Variants in WDR25 observed in about 807,000 individuals in gnomAD.
WDR25 encodes the protein WD repeat domain 25, also known as WD repeat-containing protein 25.
WDR25 carries 35 observed loss-of-function variants against 47.7 expected under a neutral mutation model. That is an observed-to-expected ratio of 0.73 (90% CI 0.56 to 0.97). WDR25 has a LOEUF of 0.97. Ranked by LOEUF, WDR25 falls within the 50% of genes least tolerant of loss-of-function variation. The probability of loss-of-function intolerance (pLI) is 0.00; values close to 1 mark genes in which losing one functional copy is unlikely to be tolerated. For synonymous variants in WDR25, 248 were observed against 278.9 expected (o/e 0.89, Z 1.10); for missense variants, 634 against 704.7 (o/e 0.90, Z 1.14).
intron 2 of WDR25, chr14:100,381,991 G>C (rs1401751099): frequency 1.4e-5 from 10 of 693,118 alleles, no homozygotes; most frequent in Middle Eastern, 2.3e-4. Context: ...TATCCCTCTC[G>C]GAGGCCGTGA....
intron 2 of WDR25, among the ~76,000 whole-genome samples, chr14:100,461,272 T>C (rs900619344): frequency 4.6e-5 from 7 of 152,186 alleles, no homozygotes; most frequent in African/African-American, 1.7e-4. Context: ...AAGCTTCTAG[T>C]ACTAAAAAGT....
intron 4 of WDR25, among the ~76,000 whole-genome samples, chr14:100,511,269 A>G (rs1369254673): frequency 6.6e-6 from 1 of 152,092 alleles, no homozygotes; most frequent in Non-Finnish European, 1.5e-5. Context: ...TTTATCCCCA[A>G]GTATTTATAT....
rs199686523 is a variant in WDR25, at chr14:100,525,860, G to A, written c.1102-10G>A. 5.6e-6 allele frequency: 9 copies of A among 1,612,730 alleles called. No homozygotes were observed. The highest frequency in any genetic ancestry group is 4.5e-5 in the East Asian group (2 of 44,882). ...AGGCCTGCCAGCATGACCGGTGTCC[G>A]CTCTTGCAGGTGATGAGAAGCTACA... On this transcript the variant is annotated splice_polypyrimidine_tract_variant and intron_variant, in intron 4 of 6. Coordinates refer to ENST00000402312, the MANE Select transcript of WDR25 (RefSeq NM_001161476.3). This position sits in a 1 kb window ranked among gnomAD's most constrained non-coding sequence, Gnocchi z 4.6.
chr14:100,436,037 G>A (rs1415045685), intron 2 of WDR25, among the ~76,000 whole-genome samples: 1 of 152,170 alleles, frequency 6.6e-6, no homozygotes, highest in African/African-American at 2.4e-5. Flanking sequence ...GGGAAGGATA[G>A]TACCACTGGC....
In WDR25 at chr14:100,525,756, G is replaced by A. The variant is rs972524342; in HGVS notation, c.1102-114G>A. On this transcript the variant is annotated intron_variant, in intron 4 of 6. Coordinates refer to ENST00000402312, the MANE Select transcript of WDR25 (RefSeq NM_001161476.3). The surrounding 1 kb of genome is among the most constrained non-coding windows in gnomAD (Gnocchi z 4.6). Reference sequence around the variant, plus strand: ...GGTGCTGCTCAGCCTGGGTGTGTGTGGCCCAGCATAAACTTCACTAAACCT... The same window carrying A: ...GGTGCTGCTCAGCCTGGGTGTGTGTAGCCCAGCATAAACTTCACTAAACCT... 1.6e-6 allele frequency: 2 copies of A among 1,231,378 alleles called. No individual in the cohort carries two copies. Among genetic ancestry groups the A allele is most frequent in the Non-Finnish European group, 2.2e-6 (2 of 894,614 alleles). 76.3% of individuals were successfully genotyped at this position (1,231,378 alleles called of 1,614,324 possible).
At chr14:100,512,161 T>C (rs546872070) in intron 4 of WDR25, among the ~76,000 whole-genome samples, 1 of 152,316 alleles carries the variant, frequency 6.6e-6, no homozygotes, top group South Asian at 2.1e-4. Context: ...TCTGGAAGAC[T>C]TCGTGTAAAA....
intron 2 of WDR25, among the ~76,000 whole-genome samples, chr14:100,463,210 G>T (rs111588888): frequency 6.7e-6 from 1 of 148,648 alleles, no homozygotes; most frequent in Admixed American, 6.8e-5. Flanking sequence ...CCTCCTCTCC[G>T]TCTTGGTTAA....
At position 100,424,232 on chromosome 14, in the gene WDR25, A is replaced by C. The variant is rs1204355172; in HGVS notation, c.822+42486A>C. On this transcript the variant is annotated intron_variant, in intron 2 of 6. Transcript: ENST00000402312. This position sits in a 1 kb window ranked among gnomAD's most constrained non-coding sequence, Gnocchi z 4.2. ...TTCGATGCCCACACTACTTCCAGGG[A>C]GCTGAGTTTCAGAGCCTGTGGCGTT... Among the ~76,000 whole-genome samples the C allele has an allele frequency of 1.3e-5, 2 of 152,122 alleles. No individual in the cohort carries two copies. Among genetic ancestry groups the C allele is most frequent in the African/African-American group, 4.8e-5 (2 of 41,420 alleles).
At chr14:100,376,862 C>A in intron 1 of WDR25, 1 of 763,848 alleles carries the variant, frequency 1.3e-6, no homozygotes, top group Non-Finnish European at 1.7e-6. Flanking sequence ...TCTTTTACTT[C>A]CTAGCATCTC....
chr14:100,389,808 G>A (rs1897098795), intron 2 of WDR25, among the ~76,000 whole-genome samples: 1 of 152,220 alleles, frequency 6.6e-6, no homozygotes, highest in South Asian at 2.1e-4. Context: ...GCTGTTCCAG[G>A]CCTGCCTTTC....
rs142483776 is a variant in WDR25 at position 100,425,543 on chromosome 14, G to A, written c.823-42478G>A. On this transcript the variant is annotated intron_variant, in intron 2 of 6. Transcript: ENST00000402312. The surrounding 1 kb of genome is among the most constrained non-coding windows in gnomAD (Gnocchi z 4.8). ...CCGGGACAGAACCCGACTTTTGCAC[G>A]TTACAGTAGAGGTCCCTGGCAGCCC... 2.3e-4 allele frequency among the ~76,000 whole-genome samples: 35 copies of A among 152,312 alleles called. No homozygotes were observed. The East Asian group carries it at 4.1e-3, about 18-fold the overall frequency.
chr14:100,399,474 C>T (rs1201170944), intron 2 of WDR25, among the ~76,000 whole-genome samples: 6 of 151,972 alleles, frequency 3.9e-5, no homozygotes, highest in Admixed American at 3.9e-4. Context: ...TTTGGCCTTG[C>T]ACCTGGTCCT....
intron 2 of WDR25, among the ~76,000 whole-genome samples, chr14:100,408,012 AC>A (rs1897593586): frequency 6.6e-6 from 1 of 152,056 alleles, no homozygotes; most frequent in African/African-American, 2.4e-5. Context: ...ATGCCTGCAC[AC>A]CAGGCACTGG....
chr14:100,385,675 C>T (rs1897002566), intron 2 of WDR25, among the ~76,000 whole-genome samples: 2 of 152,308 alleles, frequency 1.3e-5, no homozygotes, highest in South Asian at 4.2e-4. Flanking sequence ...TGCACCGCTG[C>T]TCTTTCCTGA....
Position 100,515,882 on chromosome 14 carries a change from C to T in WDR25, c.1102-9988C>T, listed in dbSNP as rs1308207308. Among the ~76,000 whole-genome samples, 3 of 151,066 alleles carry T rather than the reference C, an allele frequency of 2.0e-5. No individual in the cohort carries two copies. In the East Asian group the frequency reaches 5.8e-4, roughly 29 times the overall value. The stretch of plus-strand genomic sequence containing the variant: ...TGAGCTTCTGACCTCAGGTGATCCA[C>T]CTGCCTCAGCCTCCCAAAGTTCCGG... On this transcript the variant is annotated intron_variant, in intron 4 of 6. Coordinates refer to ENST00000402312, the MANE Select transcript of WDR25 (RefSeq NM_001161476.3).
At chr14:100,486,538 T>C (rs1900389604) in intron 4 of WDR25, among the ~76,000 whole-genome samples, 1 of 152,162 alleles carries the variant, frequency 6.6e-6, no homozygotes, top group Admixed American at 6.5e-5. Context: ...GGGACAACAC[T>C]CTTTCCTGCT....
chr14:100,516,154 A>G (rs899495999), intron 4 of WDR25, among the ~76,000 whole-genome samples: 2 of 152,062 alleles, frequency 1.3e-5, no homozygotes, highest in African/African-American at 4.8e-5. Flanking sequence ...GTATTGCTTG[A>G]TAACGGTTTG....
intron 2 of WDR25, among the ~76,000 whole-genome samples, chr14:100,387,402 T>C (rs1035480656): frequency 1.3e-5 from 2 of 152,162 alleles, no homozygotes; most frequent in Non-Finnish European, 1.5e-5. Context: ...GTTTGAGGAT[T>C]GTCTGTGCCA....
intron 3 of WDR25, among the ~76,000 whole-genome samples, chr14:100,475,885 A>AATAT (rs558268005): frequency 7.3e-5 from 11 of 150,670 alleles, no homozygotes; most frequent in African/African-American, 2.4e-4. Flanking sequence ...TGTACCCCCA[A>AATAT]ATATATATAT....
Sources: gnomAD v4.1 joint callset for allele counts (sites outside exome capture counted in the v4.1 genomes callset) on GRCh38, gnomAD v4.1.1 for gene constraint, Gnocchi (gnomAD v3.1) non-coding constraint, MANE v1.5 for transcripts, NCBI Gene and HGNC (gene_info 2026-07-23, HGNC 2026-07-21) for gene names.